ZDHHC8: variants seen among roughly 807,000 people sequenced by gnomAD.
ZDHHC8 encodes palmitoyltransferase ZDHHC8.
Under a neutral mutation model 61.2 loss-of-function variants are expected in ZDHHC8, and 24 were observed. The ratio of observed to expected loss-of-function variants is 0.39; its 90% CI spans 0.28 to 0.55. ZDHHC8 has a LOEUF of 0.55. Ranked by LOEUF, ZDHHC8 falls within the 20% of genes least tolerant of loss-of-function variation. The pLI, the probability that ZDHHC8 is intolerant of heterozygous loss-of-function variation, is 0.60. For synonymous variants in ZDHHC8, 523 were observed against 492.5 expected (o/e 1.06, Z -0.82); for missense variants, 935 against 1,102.1 (o/e 0.85, Z 2.15).
intron 1 of ZDHHC8, among the ~76,000 whole-genome samples, chr22:20,132,846 C>T (rs536696624): frequency 3.3e-5 from 5 of 152,230 alleles, no homozygotes; most frequent in African/African-American, 1.2e-4. Flanking sequence ...TGGGGTCACC[C>T]CAGGGCTCCT....
intron 8 of ZDHHC8, 27 bp downstream of exon 8, chr22:20,141,364 G>T (rs2050468691): frequency 6.2e-7 from 1 of 1,611,372 alleles, no homozygotes; most frequent in African/African-American, 1.3e-5. Flanking sequence ...CACGACTAGG[G>T]AGGGATATGG....
chr22:20,138,864 C>T (rs2050442955), intron 1 of ZDHHC8, among the ~76,000 whole-genome samples: 1 of 152,148 alleles, frequency 6.6e-6, no homozygotes, highest in Non-Finnish European at 1.5e-5. Context: ...CTGTGTACCG[C>T]CCCCGCCCCC....
intron 10 of ZDHHC8, among the ~76,000 whole-genome samples, chr22:20,144,115 C>A: frequency 6.6e-6 from 1 of 152,158 alleles, no homozygotes; most frequent in East Asian, 1.9e-4. Flanking sequence ...GCTCTGGCTT[C>A]CTGGGTCACA....
rs1309549507 is a variant in ZDHHC8, at chr22:20,143,145, C to T, written c.1515C>T (p.His505=). The T allele has an allele frequency of 6.2e-7, 1 of 1,611,856 alleles. No homozygotes were observed. Among genetic ancestry groups the T allele is most frequent in the African/African-American group, 1.3e-5 (1 of 75,044 alleles). Residue 505 remains histidine (H), a synonymous_variant, in exon 10 of 11, where the codon CAC becomes CAT. Transcript: ENST00000334554. ...AHPAVGVAGY[H]SPYLHPGATG... ...CAGCAGTTGGCGTGGCCGGATACCA[C>T]TCACCCTACCTGCATCCTGGGGCAA...
chr22:20,136,687 C>T (rs1196977825), intron 1 of ZDHHC8, among the ~76,000 whole-genome samples: 4 of 152,130 alleles, frequency 2.6e-5, no homozygotes, highest in Non-Finnish European at 5.9e-5. Context: ...AGTGTGTGCA[C>T]GTGTGCATGT....
rs1240524351 is a variant in ZDHHC8 at position 20,132,216 on chromosome 22, G to T, written c.104+165G>T. 3.3e-5 allele frequency among the ~76,000 whole-genome samples: 5 copies of T among 152,234 alleles called. No individual in the cohort carries two copies. The South Asian group carries it at 1.0e-3, about 32-fold the overall frequency. On this transcript the variant is annotated intron_variant, in intron 1 of 10. Transcript: ENST00000334554. ...TCCCTCTCCACCCGCTGGGGCTGGG[G>T]GAGTTGAAGCGGTGTGCCGGCGTCC...
Position 20,132,066 on chromosome 22 carries a change from C to T in ZDHHC8, c.104+15C>T. The T allele has an allele frequency of 7.9e-7, 1 of 1,271,944 alleles. No individual in the cohort carries two copies. The highest frequency in any genetic ancestry group is 1.0e-6 in the Non-Finnish European group (1 of 990,146). 78.8% of individuals were successfully genotyped at this position (1,271,944 alleles called of 1,614,324 possible). A position where few individuals can be genotyped will look rare whatever the true frequency, so the allele number is the denominator to read the frequency against. On this transcript the variant is annotated intron_variant, in intron 1 of 10. Coordinates refer to ENST00000334554, the MANE Select transcript of ZDHHC8 (RefSeq NM_013373.4). Reference sequence around the variant, plus strand: ...TTCGTGTTCACGTGAGTCGGCGCCGCGTCTGGGGGCACGCGGGCAGCGATG... The same window carrying T: ...TTCGTGTTCACGTGAGTCGGCGCCGTGTCTGGGGGCACGCGGGCAGCGATG...
rs981350915 is a variant in ZDHHC8 at position 20,143,225 on chromosome 22, G to A, written c.1595G>A (p.Arg532His). Residue 532 changes from arginine to histidine, a missense_variant, in exon 10 of 11, where the codon CGC becomes CAC. This residue lies in a region of ZDHHC8 where 692 missense variants were observed against 731.4 expected (regional missense o/e 0.95). Coordinates refer to ENST00000334554, the MANE Select transcript of ZDHHC8 (RefSeq NM_013373.4). ...AGCTTCAGCCCCGTGCTGGGCCCCCGCCCCCGGGAGCCCTCGCCTGTGCGC... is the reference window on the plus strand; with the variant it reads ...AGCTTCAGCCCCGTGCTGGGCCCCCACCCCCGGGAGCCCTCGCCTGTGCGC... Reference protein sequence around the residue: ...PRSFSPVLGPRPREPSPVRYD... With the variant: ...PRSFSPVLGPHPREPSPVRYD... The A allele has an allele frequency of 1.4e-5, 22 of 1,606,860 alleles. No homozygotes were observed. The East Asian group carries it at 2.0e-4, about 15-fold the overall frequency.
chr22:20,141,830 C>G (rs2050473918), intron 9 of ZDHHC8, among the ~76,000 whole-genome samples: 1 of 152,208 alleles, frequency 6.6e-6, no homozygotes. Flanking sequence ...GCCAGCATTG[C>G]CCTAGGCCAG....
intron 7 of ZDHHC8, 76 bp downstream of exon 7, chr22:20,141,088 G>C: frequency 6.3e-7 from 1 of 1,599,214 alleles, no homozygotes; most frequent in Non-Finnish European, 8.5e-7. Context: ...TGGGGGCCTA[G>C]AAGAGGTGGA....
Position 20,141,497 on chromosome 22 carries a change from T to C in ZDHHC8, c.1092T>C (p.Gly364=). Residue 364 remains glycine, a synonymous_variant, in exon 9 of 11, where the codon GGT becomes GGC. Transcript: ENST00000334554. ...AGTTTAGGCCGGCTTTCCCCACGGG[T>C]CCCAAGGTGCCCTTCTGTGGACCAG... ...MYKFRPAFPT[G]PKVPFCGPGE... is the part of the protein sequence containing the mutation. 3 of 1,612,740 alleles carry C rather than the reference T, an allele frequency of 1.9e-6. No individual in the cohort carries two copies. The highest frequency in any genetic ancestry group is 2.5e-6 in the Non-Finnish European group (3 of 1,179,838).
At chr22:20,132,671 G>GGGCT (rs1488994014) in intron 1 of ZDHHC8, among the ~76,000 whole-genome samples, 1 of 152,244 alleles carries the variant, frequency 6.6e-6, no homozygotes, top group East Asian at 1.9e-4. Flanking sequence ...TCACCTCCGT[G>GGGCT]GGCTGGCCAT....
At chr22:20,141,616 G>GGCCCCA (rs2050472161) in intron 9 of ZDHHC8, 86 bp downstream of exon 9, 2 of 1,135,554 alleles carry the variant, frequency 1.8e-6, no homozygotes, top group East Asian at 5.1e-5. Flanking sequence ...ACCCCGTGAA[G>GGCCCCA]GCCCCACCTC....
intron 1 of ZDHHC8, among the ~76,000 whole-genome samples, chr22:20,136,548 G>A (rs1348976153): frequency 3.9e-5 from 6 of 152,206 alleles, no homozygotes; most frequent in African/African-American, 9.7e-5. Context: ...CAGCCGAGCC[G>A]AGGCTGGATA....
chr22:20,143,663 G>T lies in ZDHHC8; in HGVS notation c.2033G>T (p.Gly678Val). 1 of 1,608,428 alleles carries T rather than the reference G, an allele frequency of 6.2e-7. No individual in the cohort carries two copies. Residue 678 changes from glycine to valine, a missense_variant, in exon 10 of 11, where the codon GGC becomes GTC. Physicochemically the swap from Gly to Val is moderately radical, Grantham distance 109 (BLOSUM62 -3). Coordinates refer to ENST00000334554, the MANE Select transcript of ZDHHC8 (RefSeq NM_013373.4). ...CGCCAGGGCCTGCCCTCCCCGCCCG[G>T]CACTCCCCACTCACCATCCTACGCG... ...PARQGLPSPP[G>V]TPHSPSYAGP...
intron 1 of ZDHHC8, among the ~76,000 whole-genome samples, chr22:20,135,223 G>C (rs574303817): frequency 6.6e-6 from 1 of 152,198 alleles, no homozygotes; most frequent in Admixed American, 6.5e-5. Context: ...GGGATTACAT[G>C]TGTGATCACT....
chr22:20,131,893 CGG>C lies in ZDHHC8; in HGVS notation c.-54_-53del. ...CGCCCGCCCGACCCCGGCCCGACCCCGGCCGGCCCTGCCCGCCCGGCCCCGGG... is the reference window on the plus strand; with the variant it reads ...CGCCCGCCCGACCCCGGCCCGACCCCCCGGCCCTGCCCGCCCGGCCCCGGG... On this transcript the variant is annotated 5_prime_UTR_variant, in exon 1 of 11. Transcript: ENST00000334554. The C allele has an allele frequency of 1.2e-5, 10 of 853,014 alleles. No individual in the cohort carries two copies. Among genetic ancestry groups the C allele is most frequent in the Non-Finnish European group, 1.3e-5 (9 of 707,612 alleles). 52.8% of individuals were successfully genotyped at this position (853,014 alleles called of 1,614,324 possible).
rs764856378 is a variant in ZDHHC8, at chr22:20,143,217, G to A, written c.1587G>A (p.Leu529=). The A allele has an allele frequency of 1.2e-6, 2 of 1,608,076 alleles. No homozygotes were observed. Among genetic ancestry groups the A allele is most frequent in the South Asian group, 1.1e-5 (1 of 91,044 alleles). Residue 529 remains leucine (L), a synonymous_variant, in exon 10 of 11, where the codon CTG becomes CTA. Coordinates refer to ENST00000334554, the MANE Select transcript of ZDHHC8 (RefSeq NM_013373.4). ...RPLPRSFSPV[L]GPRPREPSPV... is the part of the protein sequence containing the mutation. ...TACCCCGCAGCTTCAGCCCCGTGCT[G>A]GGCCCCCGCCCCCGGGAGCCCTCGC...
At chr22:20,141,358 A>C (rs2286931) in intron 8 of ZDHHC8, 21 bp downstream of exon 8, 90,159 of 1,611,380 alleles carry the variant, frequency 0.056, 2,718 homozygotes, top group South Asian at 0.099. Context: ...GGCAGCCACG[A>C]CTAGGGAGGG....
Sources: allele counts gnomAD v4.1 joint callset (sites outside exome capture counted in the v4.1 genomes callset), GRCh38; gene constraint gnomAD v4.1.1; regional missense constraint gnomAD v4.1.1; transcripts MANE v1.5; gene names NCBI Gene and HGNC (gene_info 2026-07-23, HGNC 2026-07-21).